The following KRT73 variants were observed in gnomAD, a reference collection of about 807,000 sequenced individuals.
The protein encoded by KRT73 is keratin 73.
A neutral mutation model predicts 47.2 loss-of-function variants in KRT73; 44 were observed. The ratio of observed to expected loss-of-function variants is 0.93; its 90% CI spans 0.73 to 1.20. The LOEUF is 1.20. Among genes scored for constraint, KRT73 ranks in the 50% most tolerant of loss-of-function variants. KRT73 has a pLI of 0.00. For synonymous variants in KRT73, 285 were observed against 291.3 expected (o/e 0.98, Z 0.22); for missense variants, 713 against 704.5 (o/e 1.01, Z -0.14).
At chr12:52,624,706 T>C in the KRT73 span, among the ~76,000 whole-genome samples, 3 of 152,106 alleles carry the variant, frequency 2.0e-5, no homozygotes, top group Admixed American at 2.0e-4. Flanking sequence ...AAGCACATTA[T>C]TTGCAAATAC....
At chr12:52,613,389 C>T (rs1163898927) in intron 5 of KRT73, 1 of 274,092 alleles carries the variant, frequency 3.6e-6, no homozygotes, top group African/African-American at 2.2e-5. Flanking sequence ...ACAGAACTCT[C>T]TGCCTCCAGG....
intron 4 of KRT73, 103 bp downstream of exon 4, chr12:52,614,476 G>T: frequency 2.1e-6 from 2 of 933,920 alleles, no homozygotes; most frequent in East Asian, 2.8e-5. Context: ...CCCAATGCTG[G>T]AGGTGCCCTG....
At chr12:52,614,894 A>G (rs149105480) in intron 3 of KRT73, 8,281 of 557,348 alleles carry the variant, frequency 0.015, 90 homozygotes, top group Non-Finnish European at 0.018. Flanking sequence ...TCTATTTCTC[A>G]GAGAAGGGTG....
chr12:52,627,143 T>C, the KRT73 span, among the ~76,000 whole-genome samples: 1 of 152,214 alleles, frequency 6.6e-6, no homozygotes, highest in Non-Finnish European at 1.5e-5. Context: ...GGCTAACTCT[T>C]CATCTTTCAG....
chr12:52,613,733 G>T lies in KRT73; in HGVS notation c.939C>A (p.Ile313=), dbSNP rs576227899. The change falls in exon 5 of 9, where the codon ATC becomes ATA. Residue 313 remains isoleucine (I), a synonymous_variant. Transcript: ENST00000305748. ...IAEVRAQYEE[I]ARKSKAEAEA... The stretch of plus-strand genomic sequence containing the variant: ...CGGCCTCGGCCTTGCTCTTCCGGGC[G>T]ATCTCCTCATACTGGGCACGGACCT... 4 of 1,614,202 alleles carry T rather than the reference G, an allele frequency of 2.5e-6. No individual in the cohort carries two copies. The highest frequency in any genetic ancestry group is 2.2e-5 in the East Asian group (1 of 44,878).
At chr12:52,621,797 T>C (rs1375893419), upstream of KRT73, among the ~76,000 whole-genome samples, 1 of 152,126 alleles carries the variant, frequency 6.6e-6, no homozygotes, top group Non-Finnish European at 1.5e-5. Context: ...CACCAGGCTA[T>C]AATGAGGTGC....
At chr12:52,613,497 G>T (rs1340590790) in intron 5 of KRT73, 191 bp downstream of exon 5, 4 of 1,032,192 alleles carry the variant, frequency 3.9e-6, no homozygotes, top group Non-Finnish European at 5.4e-6. Context: ...TCCTCCAGGG[G>T]TGCTGTTGAT....
chr12:52,613,531 C>T lies in KRT73; in HGVS notation c.984+157G>A. On this transcript the variant is annotated intron_variant, in intron 5 of 8. Transcript: ENST00000305748. ...ATCTAAGTGGGTGCCAAGGACAGAG[C>T]TGTGTCTTCTCCTCCCCTTTGGCTT... 3.6e-6 allele frequency: 5 copies of T among 1,390,706 alleles called. No homozygotes were observed. The Admixed American group carries it at 8.0e-5, about 22-fold the overall frequency. 86.1% of individuals were successfully genotyped at this position (1,390,706 alleles called of 1,614,324 possible).
At chr12:52,609,017 C>T (rs192959339) in intron 8 of KRT73, among the ~76,000 whole-genome samples, 2 of 152,226 alleles carry the variant, frequency 1.3e-5, no homozygotes, top group East Asian at 3.9e-4. Flanking sequence ...CAGGAGATTG[C>T]TATGAAAGAG....
the KRT73 span, among the ~76,000 whole-genome samples, chr12:52,629,145 G>A: frequency 6.6e-6 from 1 of 152,224 alleles, no homozygotes; most frequent in African/African-American, 2.4e-5. Context: ...CCCCTCTCAG[G>A]AAGTCTCTGT....
chr12:52,617,983 G>C (rs1206764850), intron 1 of KRT73, 95 bp downstream of exon 1: 1 of 1,338,368 alleles, frequency 7.5e-7, no homozygotes, highest in Non-Finnish European at 1.0e-6. Flanking sequence ...ATGATTTCTT[G>C]CTCTCAGGCA....
chr12:52,613,808 G>T lies in KRT73; in HGVS notation c.864C>A (p.Ile288=), dbSNP rs1228440333. 1 of 1,614,212 alleles carries T rather than the reference G, an allele frequency of 6.2e-7. No individual in the cohort carries two copies. The highest frequency in any genetic ancestry group is 1.1e-5 in the South Asian group (1 of 91,072). The change falls in exon 5 of 9, where the codon ATC becomes ATA. Residue 288 remains isoleucine, a synonymous_variant. Transcript: ENST00000305748. ...GGTTCCGGTTGTTGTCCATGGACAG[G>T]ATGATGGACGTGTCGCTGATGTGGG... ...IQSHISDTSI[I]LSMDNNRNLD... is the part of the protein sequence containing the mutation.
At chr12:52,612,095 A>G (rs1017294073) in intron 5 of KRT73, among the ~76,000 whole-genome samples, 9 of 152,248 alleles carry the variant, frequency 5.9e-5, no homozygotes, top group South Asian at 4.1e-4. Context: ...AGTCTGATGA[A>G]TGAATGAGTG....
chr12:52,616,156 T>C lies in KRT73; in HGVS notation c.662+10A>G, dbSNP rs1299111378. ...GGAGGCAGACCAGCCTGGAGTGGCG[T>C]CCTGCTCACCTCTTCTTGTAGTCCT... is the stretch of plus-strand genomic sequence containing the variant. On this transcript the variant is annotated intron_variant, in intron 2 of 8. Coordinates refer to ENST00000305748, the MANE Select transcript of KRT73 (RefSeq NM_175068.3). The C allele has an allele frequency of 6.2e-7, 1 of 1,613,834 alleles. No individual in the cohort carries two copies. The highest frequency in any genetic ancestry group is 8.5e-7 in the Non-Finnish European group (1 of 1,179,872).
At chr12:52,610,572 G>T in intron 7 of KRT73, 43 bp downstream of exon 7, 1 of 841,210 alleles carries the variant, frequency 1.2e-6, no homozygotes, top group Non-Finnish European at 1.7e-6. Context: ...GAAACTTTAA[G>T]GTGGAGACTT....
Position 52,618,188 on chromosome 12 carries a change from G to T in KRT73, c.337C>A (p.Leu113Ile). The change falls in exon 1 of 9, where the codon CTC becomes ATC. Residue 113 changes from leucine (L) to isoleucine (I), a missense_variant. Coordinates refer to ENST00000305748, the MANE Select transcript of KRT73 (RefSeq NM_175068.3). ...AGCTCCACGTTCAGGGGTGCCAGGA[G>T]GCTCTTGTTGATGGTGACCTGATGG... is the stretch of plus-strand genomic sequence containing the variant. ...GIHQVTINKSLLAPLNVELDP... is the reference protein window; with the variant it reads ...GIHQVTINKSILAPLNVELDP... The T allele has an allele frequency of 6.2e-7, 1 of 1,614,090 alleles. No individual in the cohort carries two copies. Among genetic ancestry groups the T allele is most frequent in the Non-Finnish European group, 8.5e-7 (1 of 1,179,986 alleles).
the KRT73 span, among the ~76,000 whole-genome samples, chr12:52,627,060 A>G: frequency 0.05 from 7,674 of 152,244 alleles, 285 homozygotes; most frequent in East Asian, 0.12. Flanking sequence ...TTTATGGTGC[A>G]CCTACTTATG....
intron 1 of KRT73, among the ~76,000 whole-genome samples, chr12:52,617,844 A>C (rs1940841789): frequency 6.6e-6 from 1 of 152,112 alleles, no homozygotes; most frequent in East Asian, 1.9e-4. Context: ...TCTGCTTCAG[A>C]CAGGGAGCAC....
At chr12:52,617,500 C>T (rs973783003) in intron 1 of KRT73, among the ~76,000 whole-genome samples, 1 of 152,002 alleles carries the variant, frequency 6.6e-6, no homozygotes, top group African/African-American at 2.4e-5. Context: ...CTCTAGGGCA[C>T]CGTGACCTCC....
Sources: allele counts gnomAD v4.1 joint callset (sites outside exome capture counted in the v4.1 genomes callset), GRCh38; gene constraint gnomAD v4.1.1; transcripts MANE v1.5; gene names NCBI Gene and HGNC (gene_info 2026-07-23, HGNC 2026-07-21).